TMEM207: variants seen among roughly 807,000 people sequenced by gnomAD.
TMEM207 encodes the protein transmembrane protein 207.
Under a neutral mutation model 17.4 loss-of-function variants are expected in TMEM207, and 15 were observed. The ratio of observed to expected loss-of-function variants is 0.86; its 90% CI spans 0.58 to 1.33. The LOEUF (loss-of-function observed/expected upper bound fraction) is 1.33. TMEM207 is among the 40% of genes most tolerant of loss of function. TMEM207 has a pLI of 0.00. For missense variants in TMEM207, 205 were observed against 173.8 expected, an observed-to-expected ratio of 1.18 and a Z score of -1.01; for synonymous variants, 70 against 65.6, an observed-to-expected ratio of 1.07 and a Z score of -0.33.
intron 4 of TMEM207, among the ~76,000 whole-genome samples, chr3:190,436,423 T>C (rs1257418323): frequency 6.6e-6 from 1 of 152,168 alleles, no homozygotes; most frequent in Non-Finnish European, 1.5e-5. Flanking sequence ...CTCTTTCTCT[T>C]CTGAACAGGG....
chr3:190,443,145 C>CTTTTTTTTTTTTTTTTTTTTTTTT (rs201791052), intron 2 of TMEM207, among the ~76,000 whole-genome samples: 11 of 140,324 alleles, frequency 7.8e-5, no homozygotes, highest in Admixed American at 1.4e-4. Flanking sequence ...ATTAAAAAAG[C>CTTTTTTTTTTTTTTTTTTTTTTTT]TTTTTTTTTT....
At chr3:190,432,973 C>A (rs1355131951) in intron 4 of TMEM207, among the ~76,000 whole-genome samples, 1 of 152,128 alleles carries the variant, frequency 6.6e-6, no homozygotes, top group African/African-American at 2.4e-5. Context: ...AGGCAGGGAA[C>A]CTCATTAGGA....
At position 190,449,785 on chromosome 3, in the gene TMEM207, C is replaced by A. The variant is rs367976789; in HGVS notation, c.25G>T (p.Val9Phe). 2.5e-6 allele frequency: 4 copies of A among 1,613,866 alleles called. No individual in the cohort carries two copies. In the South Asian group the frequency reaches 4.4e-5, roughly 18 times the overall value. Residue 9 changes from valine to phenylalanine, a missense_variant, in exon 1 of 5, where the codon GTC (valine) becomes TTC (phenylalanine). Val to Phe is a conservative substitution (Grantham distance 50). Transcript: ENST00000354905. ...CCTATCGTTGAGATCGCTGAGGTGA[C>A]ACTGAAAAGTCTGGATCTTGACATA... MSRSRLFS[V>F]TSAISTIGIL...
chr3:190,444,018 G>A (rs1477958250), intron 2 of TMEM207, among the ~76,000 whole-genome samples: 1 of 152,168 alleles, frequency 6.6e-6, no homozygotes, highest in Non-Finnish European at 1.5e-5. Context: ...CGAATGGTTA[G>A]ATGAGTTGAT....
At chr3:190,439,502 A>G (rs1247147628) in intron 4 of TMEM207, among the ~76,000 whole-genome samples, 1 of 152,208 alleles carries the variant, frequency 6.6e-6, no homozygotes, top group Non-Finnish European at 1.5e-5. Context: ...ATAAAGTCTC[A>G]CAACAGTCCC....
intron 4 of TMEM207, among the ~76,000 whole-genome samples, chr3:190,436,133 G>A (rs562372551): frequency 5.3e-5 from 8 of 152,246 alleles, no homozygotes; most frequent in East Asian, 3.9e-4. Context: ...CAGAAGAGCC[G>A]AGCTATTTCA....
At chr3:190,444,711 C>A (rs1275048243) in intron 2 of TMEM207, among the ~76,000 whole-genome samples, 3 of 152,116 alleles carry the variant, frequency 2.0e-5, no homozygotes, top group Non-Finnish European at 4.4e-5. Flanking sequence ...AAATGAACAG[C>A]ATTACTCACC....
chr3:190,438,108 AG>A (rs1297750269), intron 4 of TMEM207, among the ~76,000 whole-genome samples: 3 of 58,822 alleles, frequency 5.1e-5, no homozygotes, highest in Middle Eastern at 0.015. Context: ...GGGTGGGGGG[AG>A]GGGGGAGGGA....
At chr3:190,443,464 G>A (rs1719979312) in intron 2 of TMEM207, among the ~76,000 whole-genome samples, 1 of 152,034 alleles carries the variant, frequency 6.6e-6, no homozygotes, top group African/African-American at 2.4e-5. Flanking sequence ...ACATGGCTAG[G>A]AAGCAGTTAG....
intron 4 of TMEM207, 115 bp from the exon 5 acceptor site, chr3:190,429,846 T>C: frequency 1.5e-6 from 2 of 1,295,546 alleles, no homozygotes; most frequent in Admixed American, 2.7e-5. Flanking sequence ...AGAAAATTAT[T>C]TGTATCTATG....
intron 2 of TMEM207, among the ~76,000 whole-genome samples, chr3:190,444,186 G>T (rs186189041): frequency 1.3e-5 from 2 of 152,176 alleles, no homozygotes; most frequent in Non-Finnish European, 2.9e-5. Flanking sequence ...AACCAGATGC[G>T]TAACTTCATG....
chr3:190,429,274 A>G lies in TMEM207; in HGVS notation c.*321T>C, dbSNP rs1719637523. ...CAGAAAATGGTGTGCTGTATACTGC[A>G]GTGGAGTCCTAAATGTGATGGAAAC... is the stretch of plus-strand genomic sequence containing the variant. On this transcript the variant is annotated 3_prime_UTR_variant, in exon 5 of 5. Transcript: ENST00000354905. 1 of 271,976 alleles carries G rather than the reference A, an allele frequency of 3.7e-6. No individual in the cohort carries two copies. The highest frequency in any genetic ancestry group is 4.9e-5 in the Admixed American group (1 of 20,550). The allele number at this position is 271,976 out of a possible 1,614,324, so 16.8% of individuals were successfully genotyped here.
At chr3:190,441,367 C>T (rs567815220) in intron 3 of TMEM207, 71 bp downstream of exon 3, 21 of 1,244,710 alleles carry the variant, frequency 1.7e-5, no homozygotes, top group Non-Finnish European at 2.5e-5. Flanking sequence ...CATGTACCAT[C>T]TCAAATTATT....
intron 4 of TMEM207, among the ~76,000 whole-genome samples, chr3:190,437,534 T>A (rs1719829417): frequency 6.6e-6 from 1 of 152,240 alleles, no homozygotes; most frequent in Middle Eastern, 3.4e-3. Context: ...TGTGACCATA[T>A]AAACCACAAT....
At chr3:190,430,173 T>C (rs923726243) in intron 4 of TMEM207, among the ~76,000 whole-genome samples, 5 of 152,196 alleles carry the variant, frequency 3.3e-5, no homozygotes, top group African/African-American at 9.6e-5. Context: ...TAAATAATTA[T>C]TTCTCTTTAG....
intron 4 of TMEM207, among the ~76,000 whole-genome samples, chr3:190,439,563 CA>C (rs1435437658): frequency 1.3e-5 from 2 of 152,162 alleles, no homozygotes; most frequent in African/African-American, 2.4e-5. Flanking sequence ...TATGGCTTCC[CA>C]GAAATCAGTA....
At chr3:190,434,664 A>C (rs1041731514) in intron 4 of TMEM207, among the ~76,000 whole-genome samples, 1 of 152,274 alleles carries the variant, frequency 6.6e-6, no homozygotes, top group Non-Finnish European at 1.5e-5. Context: ...AAACATACCC[A>C]CATAATACTA....
chr3:190,430,224 T>G (rs1452883978), intron 4 of TMEM207, among the ~76,000 whole-genome samples: 2 of 152,102 alleles, frequency 1.3e-5, no homozygotes, highest in Admixed American at 6.6e-5. Context: ...AAAGCACGCA[T>G]TTAAAGTATA....
intron 1 of TMEM207, 56 bp downstream of exon 1, chr3:190,449,679 C>A: frequency 6.6e-7 from 1 of 1,509,254 alleles, no homozygotes; most frequent in South Asian, 1.1e-5. Context: ...AAATCAAGTC[C>A]TCAGAGTACC....
Sources: gnomAD v4.1 joint callset for allele counts (sites outside exome capture counted in the v4.1 genomes callset) on GRCh38, gnomAD v4.1.1 for gene constraint, MANE v1.5 for transcripts, NCBI Gene and HGNC (gene_info 2026-07-23, HGNC 2026-07-21) for gene names.